Variants in CACNB4 observed in about 807,000 individuals in gnomAD.
CACNB4 encodes the protein calcium voltage-gated channel auxiliary subunit beta 4, also known as voltage-dependent L-type calcium channel subunit beta-4.
In CACNB4, 32 loss-of-function variants were observed where a neutral mutation model predicts 71.2. That is an observed-to-expected ratio of 0.45 (90% confidence interval 0.34 to 0.60). The LOEUF (loss-of-function observed/expected upper bound fraction) is 0.60, where lower values mean the gene tolerates loss of function less well. CACNB4 is among the 20% of genes least tolerant of loss of function. CACNB4 has a pLI of 0.01. For synonymous variants in CACNB4, 231 were observed against 236.9 expected, an observed-to-expected ratio of 0.97 and a Z score of 0.23; for missense variants, 464 against 647.9, an observed-to-expected ratio of 0.72 and a Z score of 3.08.
At position 151,855,276 on chromosome 2, in the gene CACNB4, A is replaced by G. The variant is rs1215362207; in HGVS notation, c.968T>C (p.Ile323Thr). The G allele has an allele frequency of 6.9e-6, 11 of 1,587,658 alleles. No homozygotes were observed. Among genetic ancestry groups the G allele is most frequent in the South Asian group, 2.3e-5 (2 of 88,830 alleles). ...AATAATTGGTGCTAAGGAAGTCTTTATAAGTTGTGCTGGGTGATTGATGGT... is the reference window on the plus strand; with the variant it reads ...AATAATTGGTGCTAAGGAAGTCTTTGTAAGTTGTGCTGGGTGATTGATGGT... ...ADTINHPAQL[I>T]KTSLAPIIVH... The change falls in exon 11 of 14, where the codon ATA (isoleucine) becomes ACA (threonine). Residue 323 changes from isoleucine to threonine, a missense_variant. Physicochemically the swap from Ile to Thr is moderately conservative, Grantham distance 89. Coordinates refer to ENST00000539935, the MANE Select transcript of CACNB4 (RefSeq NM_000726.5).
intron 11 of CACNB4, chr2:151,853,810 CAA>C: frequency 3.2e-6 from 1 of 311,874 alleles, no homozygotes; most frequent in South Asian, 4.6e-5. Context: ...CCAGAGATTT[CAA>C]AGAGAGACCT....
chr2:152,098,751 G>A lies in CACNB4; in HGVS notation c.63+198C>T, dbSNP rs1688428224. On this transcript the variant is annotated intron_variant, in intron 1 of 13. Coordinates refer to ENST00000539935, the MANE Select transcript of CACNB4 (RefSeq NM_000726.5). This position sits in a 1 kb window ranked among gnomAD's most constrained non-coding sequence, Gnocchi z 5.3. ...GCAGAGACCCGAAGGAGGGTGAGGA[G>A]GAGGAGGAAGAGAAGGAGGAGAAAG... is the stretch of plus-strand genomic sequence containing the variant. 2 of 1,482,608 alleles carry A rather than the reference G, an allele frequency of 1.3e-6. No individual in the cohort carries two copies. The highest frequency in any genetic ancestry group is 1.4e-5 in the African/African-American group (1 of 71,460). The allele number at this position is 1,482,608 out of a possible 1,614,324, so 91.8% of individuals were successfully genotyped here. A position where few individuals can be genotyped will look rare whatever the true frequency, so the allele number is the denominator to read the frequency against.
intron 2 of CACNB4, among the ~76,000 whole-genome samples, chr2:151,919,031 GCCAAC>G (rs776620759): frequency 2.6e-5 from 4 of 152,120 alleles, no homozygotes; most frequent in African/African-American, 4.8e-5. Flanking sequence ...TTCGCCTAGA[GCCAAC>G]CACAGGGGTA....
At chr2:151,919,753 T>C (rs1368237181) in intron 2 of CACNB4, among the ~76,000 whole-genome samples, 1 of 152,178 alleles carries the variant, frequency 6.6e-6, no homozygotes, top group Non-Finnish European at 1.5e-5. Flanking sequence ...TGTACACTTT[T>C]AATAACCAGG....
intron 2 of CACNB4, among the ~76,000 whole-genome samples, chr2:151,892,856 G>A (rs183065274): frequency 6.6e-6 from 1 of 152,196 alleles, no homozygotes; most frequent in Non-Finnish European, 1.5e-5. Flanking sequence ...CACCCAAAGG[G>A]TGTACACTCT....
chr2:152,002,100 G>A (rs1368454836), intron 2 of CACNB4, among the ~76,000 whole-genome samples: 3 of 152,188 alleles, frequency 2.0e-5, no homozygotes, highest in Non-Finnish European at 2.9e-5. Context: ...GCATGATCAT[G>A]GATATGAACA....
chr2:151,910,204 C>T (rs534214655), intron 2 of CACNB4, among the ~76,000 whole-genome samples: 5 of 152,198 alleles, frequency 3.3e-5, no homozygotes, highest in Non-Finnish European at 1.5e-5. Context: ...TGTTCCTATC[C>T]TTTGCCCACT....
intron 2 of CACNB4, among the ~76,000 whole-genome samples, chr2:152,035,547 G>A (rs4664520): frequency 0.7 from 105,935 of 150,582 alleles, 37,523 homozygotes; most frequent in East Asian, 0.87. Flanking sequence ...GCAACAGAGC[G>A]AAACTCCGTC....
chr2:151,903,958 G>C (rs2099854120), intron 2 of CACNB4, among the ~76,000 whole-genome samples: 1 of 152,102 alleles, frequency 6.6e-6, no homozygotes, highest in African/African-American at 2.4e-5. Flanking sequence ...TATAGTAGGT[G>C]TATAATAAGT....
chr2:151,959,819 T>A (rs1437635064), intron 2 of CACNB4, among the ~76,000 whole-genome samples: 1 of 152,228 alleles, frequency 6.6e-6, no homozygotes, highest in African/African-American at 2.4e-5. Context: ...TATTCAATCT[T>A]AATAAAGTCC....
At chr2:152,022,266 C>T (rs1157484391) in intron 2 of CACNB4, among the ~76,000 whole-genome samples, 1 of 152,160 alleles carries the variant, frequency 6.6e-6, no homozygotes, top group Non-Finnish European at 1.5e-5. Context: ...GTTCACCATT[C>T]ATTATACCAT....
chr2:151,961,616 C>T (rs2099869663), intron 2 of CACNB4, among the ~76,000 whole-genome samples: 1 of 152,138 alleles, frequency 6.6e-6, no homozygotes, highest in Admixed American at 6.6e-5. Flanking sequence ...TCAGGCTGAG[C>T]GCAGTGGCTT....
At position 151,860,691 on chromosome 2, in the gene CACNB4, A is replaced by T. The variant is rs1197077782; in HGVS notation, c.868+20T>A. 1.3e-6 allele frequency: 2 copies of T among 1,489,960 alleles called. No individual in the cohort carries two copies. Among genetic ancestry groups the T allele is most frequent in the Admixed American group, 1.7e-5 (1 of 59,892 alleles). The allele number at this position is 1,489,960 out of a possible 1,614,324, so 92.3% of individuals were successfully genotyped here. Reference sequence around the variant, plus strand: ...GTCTGTAAGCACAGCTTGAAGAAGTACCACATTTGAACATCTTACCTAAGC... The same window carrying T: ...GTCTGTAAGCACAGCTTGAAGAAGTTCCACATTTGAACATCTTACCTAAGC... On this transcript the variant is annotated intron_variant, in intron 10 of 13. Transcript: ENST00000539935.
chr2:152,093,805 A>G (rs887798046), intron 2 of CACNB4, among the ~76,000 whole-genome samples: 2 of 152,206 alleles, frequency 1.3e-5, no homozygotes, highest in Non-Finnish European at 2.9e-5. Flanking sequence ...ACATCATACA[A>G]TGCAGAACTG....
intron 2 of CACNB4, among the ~76,000 whole-genome samples, chr2:151,994,825 A>G (rs551649262): frequency 1.3e-5 from 2 of 150,194 alleles, no homozygotes; most frequent in South Asian, 4.2e-4. Context: ...TTTTTTCTTT[A>G]GAGACAGAGT....
intron 2 of CACNB4, among the ~76,000 whole-genome samples, chr2:151,948,038 G>C (rs2099866022): frequency 6.6e-6 from 1 of 152,166 alleles, no homozygotes; most frequent in African/African-American, 2.4e-5. Context: ...TTCAGTTTTT[G>C]GCATGCATAA....
At chr2:152,059,638 G>T (rs1685903466) in intron 2 of CACNB4, among the ~76,000 whole-genome samples, 2 of 152,228 alleles carry the variant, frequency 1.3e-5, no homozygotes, top group South Asian at 4.1e-4. Context: ...AGGCAGAAGG[G>T]ACTTGCATTG....
At chr2:152,078,865 T>C (rs1687184229) in intron 2 of CACNB4, among the ~76,000 whole-genome samples, 1 of 152,134 alleles carries the variant, frequency 6.6e-6, no homozygotes, top group Admixed American at 6.6e-5. Flanking sequence ...AAATATATAT[T>C]GATCTTTTGG....
chr2:152,030,677 T>C (rs549501856), intron 2 of CACNB4, among the ~76,000 whole-genome samples: 62 of 152,290 alleles, frequency 4.1e-4, no homozygotes, highest in Non-Finnish European at 7.4e-4. Flanking sequence ...AATTCCCACC[T>C]ATGAGTGAGA....
Sources: gnomAD v4.1 joint callset for allele counts (sites outside exome capture counted in the v4.1 genomes callset) on GRCh38, gnomAD v4.1.1 for gene constraint, Gnocchi (gnomAD v3.1) non-coding constraint, MANE v1.5 for transcripts, NCBI Gene and HGNC (gene_info 2026-07-23, HGNC 2026-07-21) for gene names.